The following CADM2 variants were observed in gnomAD, a reference collection of about 807,000 sequenced individuals.
CADM2 encodes the protein cell adhesion molecule 2.
A neutral mutation model predicts 49.8 loss-of-function variants in CADM2; 12 were observed. That is an observed-to-expected ratio of 0.24 (90% CI 0.15 to 0.39). The LOEUF is 0.39. CADM2 is among the 10% of genes least tolerant of loss of function. The pLI, the probability that CADM2 is intolerant of heterozygous loss-of-function variation, is 1.00. For synonymous variants in CADM2, 214 were observed against 175.4 expected, an observed-to-expected ratio of 1.22 and a Z score of -1.74; for missense variants, 378 against 492.3, an observed-to-expected ratio of 0.77 and a Z score of 2.20.
At chr3:85,080,744 A>G (rs965006477) in intron 1 of CADM2, among the ~76,000 whole-genome samples, 4 of 152,030 alleles carry the variant, frequency 2.6e-5, no homozygotes, top group African/African-American at 9.7e-5. Context: ...GAGTAAACCT[A>G]TCCTTGTATT....
At chr3:85,079,957 C>T (rs901401321) in intron 1 of CADM2, among the ~76,000 whole-genome samples, 17 of 151,702 alleles carry the variant, frequency 1.1e-4, no homozygotes, top group African/African-American at 3.9e-4. Flanking sequence ...CTCTTTGATA[C>T]ACTATTGGAA....
At chr3:85,097,852 C>T (rs551070333) in intron 1 of CADM2, among the ~76,000 whole-genome samples, 3 of 152,130 alleles carry the variant, frequency 2.0e-5, no homozygotes, top group Non-Finnish European at 4.4e-5. Flanking sequence ...TTCACATAAG[C>T]CCCTACATAG....
intron 1 of CADM2, among the ~76,000 whole-genome samples, chr3:85,276,080 A>G (rs183268708): frequency 6.3e-4 from 96 of 151,510 alleles, no homozygotes; most frequent in Admixed American, 1.7e-3. Flanking sequence ...GATATCTCAC[A>G]AAAACAGTGC....
At chr3:85,732,580 T>C (rs1369251210) in intron 2 of CADM2, among the ~76,000 whole-genome samples, 2 of 152,244 alleles carry the variant, frequency 1.3e-5, no homozygotes, top group Non-Finnish European at 2.9e-5. Context: ...TGCTATATAA[T>C]AGTGCAATAA....
At chr3:86,055,451 C>CTTTTTTTTTTTTTTTTT (rs57606781) in intron 8 of CADM2, among the ~76,000 whole-genome samples, 1 of 87,480 alleles carries the variant, frequency 1.1e-5, no homozygotes, top group African/African-American at 4.3e-5. Context: ...GGCATCCCCT[C>CTTTTTTTTTTTTTTTTT]TTTTTTTTTT....
chr3:85,492,273 A>G (rs755405347), intron 1 of CADM2, among the ~76,000 whole-genome samples: 8 of 152,124 alleles, frequency 5.3e-5, no homozygotes, highest in Non-Finnish European at 1.0e-4. Flanking sequence ...ATCCATAAGT[A>G]AGGAAACATT....
intron 1 of CADM2, among the ~76,000 whole-genome samples, chr3:85,394,973 C>A (rs1404739963): frequency 6.6e-6 from 1 of 152,060 alleles, no homozygotes; most frequent in East Asian, 1.9e-4. Context: ...CCTAAAATAT[C>A]GTAACATTTA....
At chr3:86,056,841 G>C (rs1288369108) in intron 8 of CADM2, among the ~76,000 whole-genome samples, 1 of 152,134 alleles carries the variant, frequency 6.6e-6, no homozygotes, top group East Asian at 1.9e-4. Flanking sequence ...ATATAAACAT[G>C]TGGGGCCATT....
At chr3:85,294,161 C>A (rs1559764013) in intron 1 of CADM2, among the ~76,000 whole-genome samples, 1 of 151,858 alleles carries the variant, frequency 6.6e-6, no homozygotes. Flanking sequence ...AAACAGAGAG[C>A]CAAATCATGA....
chr3:85,180,690 T>A (rs2040912600), intron 1 of CADM2, among the ~76,000 whole-genome samples: 2 of 152,158 alleles, frequency 1.3e-5, no homozygotes, highest in African/African-American at 4.8e-5. Flanking sequence ...ATGGAAAACA[T>A]TCTCCACACA....
intron 1 of CADM2, among the ~76,000 whole-genome samples, chr3:85,274,547 G>A (rs920086132): frequency 6.6e-6 from 1 of 151,414 alleles, no homozygotes; most frequent in Non-Finnish European, 1.5e-5. Flanking sequence ...GGTTGCTTGT[G>A]CTAGTTGCCT....
rs2044255236 is a variant in CADM2 at position 85,308,020 on chromosome 3, G to A, written c.61+348352G>A. ...ACTCAACTTCAACCTACACAAATGT[G>A]CAACGTTTATAAATTTCTTACTGTC... On this transcript the variant is annotated intron_variant, in intron 1 of 9. Coordinates refer to ENST00000383699, the MANE Select transcript of CADM2 (RefSeq NM_001167675.2). Among the ~76,000 whole-genome samples the A allele has an allele frequency of 2.6e-5, 4 of 151,068 alleles. No homozygotes were observed. The South Asian group carries it at 6.2e-4, about 24-fold the overall frequency.
chr3:85,596,809 C>T (rs2063255493), intron 1 of CADM2, among the ~76,000 whole-genome samples: 1 of 152,062 alleles, frequency 6.6e-6, no homozygotes, highest in Admixed American at 6.6e-5. Context: ...CTCTGCTTCC[C>T]AAGTTCAAGC....
intron 1 of CADM2, among the ~76,000 whole-genome samples, chr3:85,265,397 C>A (rs1440448286): frequency 2.6e-5 from 4 of 151,802 alleles, no homozygotes. Context: ...GTTCTAGAGG[C>A]TGAGAAGCCC....
intron 1 of CADM2, among the ~76,000 whole-genome samples, chr3:85,361,985 T>C (rs2032393564): frequency 6.6e-6 from 1 of 152,222 alleles, no homozygotes; most frequent in Non-Finnish European, 1.5e-5. Context: ...TTTCAGTTAT[T>C]TGCAAAAGGA....
chr3:85,294,846 T>C (rs1312770196), intron 1 of CADM2, among the ~76,000 whole-genome samples: 1 of 151,898 alleles, frequency 6.6e-6, no homozygotes, highest in Non-Finnish European at 1.5e-5. Flanking sequence ...CCTAGAAGAA[T>C]ACCTAGGCAT....
chr3:85,381,086 T>C (rs2033877364), intron 1 of CADM2, among the ~76,000 whole-genome samples: 1 of 152,044 alleles, frequency 6.6e-6, no homozygotes, highest in Admixed American at 6.6e-5. Flanking sequence ...ACCCATGTAT[T>C]TTATCCGATA....
chr3:85,927,729 TCTTA>T (rs1258120523), intron 6 of CADM2, among the ~76,000 whole-genome samples: 1 of 152,224 alleles, frequency 6.6e-6, no homozygotes, highest in Non-Finnish European at 1.5e-5. Context: ...TGGTTGTTTC[TCTTA>T]CTTAGCATTT....
chr3:85,738,771 A>T (rs1431207537), intron 2 of CADM2, among the ~76,000 whole-genome samples: 1 of 152,168 alleles, frequency 6.6e-6, no homozygotes, highest in African/African-American at 2.4e-5. Context: ...ATAGTAAGAG[A>T]TATACTAAAA....
Sources: gnomAD v4.1 joint callset for allele counts (sites outside exome capture counted in the v4.1 genomes callset) on GRCh38, gnomAD v4.1.1 for gene constraint, MANE v1.5 for transcripts, NCBI Gene and HGNC (gene_info 2026-07-23, HGNC 2026-07-21) for gene names.